Variants in ICA1L observed in about 807,000 individuals in gnomAD.
The protein encoded by ICA1L is islet cell autoantigen 1-like protein.
A neutral mutation model predicts 61.3 loss-of-function variants in ICA1L; 50 were observed. The ratio of observed to expected loss-of-function variants is 0.82; its 90% CI spans 0.65 to 1.03. The LOEUF is 1.03. Ranked by LOEUF, ICA1L falls within the 50% of genes least tolerant of loss-of-function variation. ICA1L has a pLI of 0.00. For missense variants in ICA1L, 508 were observed against 556.7 expected, an observed-to-expected ratio of 0.91 and a Z score of 0.88; for synonymous variants, 161 against 191.3, an observed-to-expected ratio of 0.84 and a Z score of 1.31.
chr2:202,777,916 T>C lies in ICA1L; in HGVS notation c.*1617A>G, dbSNP rs1286101780. On this transcript the variant is annotated 3_prime_UTR_variant, in exon 13 of 13. Coordinates refer to ENST00000358299, the MANE Select transcript of ICA1L (RefSeq NM_001288622.3). ...TTTTTTTTGAGACGGAGTCTTGCTC[T>C]GTTGCCTAGGCTGGAGTGCAGTGGC... 1 of 148,532 alleles carries C rather than the reference T, an allele frequency of 6.7e-6. No homozygotes were observed. Among genetic ancestry groups the C allele is most frequent in the Admixed American group, 6.7e-5 (1 of 14,852 alleles). The allele number at this position is 148,532 out of a possible 1,614,324, so 9.2% of individuals were successfully genotyped here.
Position 202,774,006 on chromosome 2 carries a change from T to C in ICA1L, c.*5527A>G. 1.1e-6 allele frequency: 1 copy of C among 903,808 alleles called. No individual in the cohort carries two copies. Among genetic ancestry groups the C allele is most frequent in the South Asian group, 1.7e-5 (1 of 58,754 alleles). 56.0% of individuals were successfully genotyped at this position (903,808 alleles called of 1,614,324 possible). On this transcript the variant is annotated 3_prime_UTR_variant, in exon 13 of 13. Transcript: ENST00000358299. ...TGGTACTAAGAAGAGTTGGCTGTTT[T>C]ATTTTTTTAAATTATGAACTAGCGC...
At chr2:202,833,174 A>G (rs1694058894) in intron 1 of ICA1L, among the ~76,000 whole-genome samples, 1 of 152,204 alleles carries the variant, frequency 6.6e-6, no homozygotes, top group Non-Finnish European at 1.5e-5. Context: ...CAAACAGGTC[A>G]GTTCTCAATA....
chr2:202,803,188 A>G (rs1693130274), intron 9 of ICA1L, among the ~76,000 whole-genome samples: 1 of 152,016 alleles, frequency 6.6e-6, no homozygotes. Flanking sequence ...CAGGCAGATC[A>G]CCTGAGGTCA....
intron 9 of ICA1L, among the ~76,000 whole-genome samples, chr2:202,805,759 AT>A (rs2105838251): frequency 6.6e-6 from 1 of 152,324 alleles, no homozygotes; most frequent in Non-Finnish European, 1.5e-5. Flanking sequence ...GAACAAATGA[AT>A]ATCTGAAATT....
Position 202,819,852 on chromosome 2 carries a change from GTTGCTAC to G in ICA1L, c.400_406del (p.Val134HisfsTer11). 3.1e-6 allele frequency: 5 copies of G among 1,614,136 alleles called. No homozygotes were observed. Among genetic ancestry groups the G allele is most frequent in the Non-Finnish European group, 4.2e-6 (5 of 1,180,006 alleles). On this transcript the variant is annotated frameshift_variant, in exon 5 of 13. Coordinates refer to ENST00000358299, the MANE Select transcript of ICA1L (RefSeq NM_001288622.3). LOFTEE classifies it high-confidence loss of function. The stretch of plus-strand genomic sequence containing the variant: ...ATCAGATACTGCCCTTTGACTGAAT[GTTGCTAC>G]TTCTTGCTTCAGACGAGACAGAGGA...
At chr2:202,864,336 C>T (rs1022485944) in intron 1 of ICA1L, among the ~76,000 whole-genome samples, 18 of 152,006 alleles carry the variant, frequency 1.2e-4, no homozygotes, top group African/African-American at 2.9e-4. Flanking sequence ...CTCCGCCTCC[C>T]GGGTTCACGC....
chr2:202,821,273 C>G, intron 4 of ICA1L, 85 bp downstream of exon 4: 1 of 1,350,160 alleles, frequency 7.4e-7, no homozygotes. Flanking sequence ...TGAACAGTGA[C>G]CTTTACAAAT....
intron 10 of ICA1L, among the ~76,000 whole-genome samples, chr2:202,789,474 A>G (rs1418634103): frequency 6.6e-6 from 1 of 152,220 alleles, no homozygotes; most frequent in African/African-American, 2.4e-5. Flanking sequence ...TCAATAATGT[A>G]GTTATTTTGG....
intron 1 of ICA1L, among the ~76,000 whole-genome samples, chr2:202,848,275 T>G (rs1020406579): frequency 6.6e-6 from 1 of 152,210 alleles, no homozygotes; most frequent in Non-Finnish European, 1.5e-5. Flanking sequence ...ACAGCATATT[T>G]TTAAACTTTT....
At position 202,777,069 on chromosome 2, in the gene ICA1L, TTTTGA is replaced by T. The variant is rs1449032842; in HGVS notation, c.*2459_*2463del. The T allele has an allele frequency of 4.7e-4, 50 of 107,268 alleles. No individual in the cohort carries two copies. The highest frequency in any genetic ancestry group is 6.4e-3 in the Middle Eastern group (1 of 156). The allele number at this position is 107,268 out of a possible 1,614,324, so 6.6% of individuals were successfully genotyped here. On this transcript the variant is annotated 3_prime_UTR_variant, in exon 13 of 13. Transcript: ENST00000358299. ...CTTTTTTTTTTTTTTTTTTTTTTTT[TTTTGA>T]GAGAGTCGCTCTCTGTTGCCCAGGC... is the stretch of plus-strand genomic sequence containing the variant.
At chr2:202,794,470 AAT>A (rs1165534379) in intron 10 of ICA1L, among the ~76,000 whole-genome samples, 1 of 152,200 alleles carries the variant, frequency 6.6e-6, no homozygotes, top group African/African-American at 2.4e-5. Context: ...TTAGTTCAGA[AAT>A]ATTATAGGCA....
At chr2:202,808,107 GA>G in intron 9 of ICA1L, among the ~76,000 whole-genome samples, 1 of 152,240 alleles carries the variant, frequency 6.6e-6, no homozygotes, top group Non-Finnish European at 1.5e-5. Flanking sequence ...AAGAGTAAAG[GA>G]ACTTTTTATT....
chr2:202,837,384 C>T (rs1012579597), intron 1 of ICA1L, among the ~76,000 whole-genome samples: 1 of 151,286 alleles, frequency 6.6e-6, no homozygotes, highest in South Asian at 2.1e-4. Flanking sequence ...CCCGGGTTCA[C>T]GCCATTCTCC....
rs553681454 is a variant in ICA1L at position 202,836,208 on chromosome 2, G to A, written c.-7-7192C>T. Among the ~76,000 whole-genome samples the A allele has an allele frequency of 2.0e-5, 3 of 152,256 alleles. No homozygotes were observed. In the South Asian group the frequency reaches 6.2e-4, roughly 32 times the overall value. The stretch of plus-strand genomic sequence containing the variant: ...ACATTCTTTCTCTACCTCATTTGTT[G>A]AGTGTTTCTGTCATGAAAGGATGCT... On this transcript the variant is annotated intron_variant, in intron 1 of 12. Coordinates refer to ENST00000358299, the MANE Select transcript of ICA1L (RefSeq NM_001288622.3).
chr2:202,815,873 T>G, intron 7 of ICA1L, 38 bp downstream of exon 7: 1 of 1,192,944 alleles, frequency 8.4e-7, no homozygotes, highest in South Asian at 1.7e-5. Flanking sequence ...AAATGAAGAG[T>G]AATACATCTA....
rs1693386274 is a variant in ICA1L, at chr2:202,811,770, C to A, written c.886G>T (p.Glu296Ter). The A allele has an allele frequency of 6.2e-7, 1 of 1,607,474 alleles. No individual in the cohort carries two copies. The highest frequency in any genetic ancestry group is 8.5e-7 in the Non-Finnish European group (1 of 1,175,276). ...QLNKLVLSDE[E>*]ASFESEQANK... ...CCTTGTTCACTCTCAAAGCTTGCTT[C>A]CTCATCAGACAAAACTAGCCTGAAG... The change falls in exon 9 of 13, where the codon GAA (glutamate) becomes TAA (stop). Residue 296 changes from glutamate to a stop codon, truncating the protein, a stop_gained. Transcript: ENST00000358299. LOFTEE classifies it high-confidence loss of function.
chr2:202,786,268 C>T (rs1045935945), intron 11 of ICA1L, among the ~76,000 whole-genome samples: 2 of 152,154 alleles, frequency 1.3e-5, no homozygotes, highest in Non-Finnish European at 2.9e-5. Context: ...TAATTGAGGC[C>T]GGGCGCGGTG....
At chr2:202,791,982 A>G (rs554929653) in intron 10 of ICA1L, among the ~76,000 whole-genome samples, 22 of 152,272 alleles carry the variant, frequency 1.4e-4, no homozygotes, top group Admixed American at 1.2e-3. Flanking sequence ...AGCCTGGCCA[A>G]CATAGTGAAA....
At chr2:202,839,568 G>GTGTGTGTGTGTA (rs1694261164) in intron 1 of ICA1L, among the ~76,000 whole-genome samples, 1 of 16,056 alleles carries the variant, frequency 6.2e-5, no homozygotes, top group Admixed American at 1.2e-3. Flanking sequence ...CTGTGTGTGT[G>GTGTGTGTGTGTA]TGTGTGTGTG....
Sources: gnomAD v4.1 joint callset for allele counts (sites outside exome capture counted in the v4.1 genomes callset) on GRCh38, gnomAD v4.1.1 for gene constraint, MANE v1.5 for transcripts, NCBI Gene and HGNC (gene_info 2026-07-23, HGNC 2026-07-21) for gene names.